The following CNTNAP5 variants were observed in gnomAD, a reference collection of about 807,000 sequenced individuals.
The protein encoded by CNTNAP5 is contactin-associated protein-like 5.
A neutral mutation model predicts 150.2 loss-of-function variants in CNTNAP5; 72 were observed. The ratio of observed to expected loss-of-function variants is 0.48; its 90% confidence interval spans 0.40 to 0.58. CNTNAP5 has a LOEUF of 0.58. Ranked by LOEUF, CNTNAP5 falls within the 20% of genes least tolerant of loss-of-function variation. CNTNAP5 has a pLI of 0.00. For synonymous variants in CNTNAP5, 672 were observed against 619.8 expected (o/e 1.08, Z -1.25); for missense variants, 1,636 against 1,626.2 (o/e 1.01, Z -0.10).
chr2:124,367,722 C>A (rs1382424334), intron 3 of CNTNAP5, among the ~76,000 whole-genome samples: 1 of 152,114 alleles, frequency 6.6e-6, no homozygotes, highest in East Asian at 1.9e-4. Flanking sequence ...TCCATCTGAA[C>A]CTTAGAAAGG....
chr2:124,800,295 G>A (rs539706918), intron 19 of CNTNAP5, among the ~76,000 whole-genome samples: 23 of 152,132 alleles, frequency 1.5e-4, no homozygotes, highest in Non-Finnish European at 2.8e-4. Flanking sequence ...TACCTGTCAG[G>A]CCATGCCTAG....
At chr2:124,146,012 A>G (rs375633784) in intron 1 of CNTNAP5, among the ~76,000 whole-genome samples, 1 of 152,060 alleles carries the variant, frequency 6.6e-6, no homozygotes, top group East Asian at 1.9e-4. Context: ...TATTTTAAAA[A>G]GCATTTTGTG....
rs376298283 is a variant in CNTNAP5 at position 124,871,990 on chromosome 2, A to G, written c.3436+2228A>G. On this transcript the variant is annotated intron_variant, in intron 21 of 23. Coordinates refer to ENST00000682447, the MANE Select transcript of CNTNAP5 (RefSeq NM_001367498.1). Reference sequence around the variant, plus strand: ...ATATGAACTTAGACTTGCTAATTCTATCATCATATTTCTTACCCTCTTTTT... The same window carrying G: ...ATATGAACTTAGACTTGCTAATTCTGTCATCATATTTCTTACCCTCTTTTT... 1.8e-4 allele frequency among the ~76,000 whole-genome samples: 27 copies of G among 152,112 alleles called. No homozygotes were observed. The East Asian group carries it at 1.9e-3, about 11-fold the overall frequency.
At chr2:124,387,972 C>T (rs1487360639) in intron 3 of CNTNAP5, among the ~76,000 whole-genome samples, 1 of 152,022 alleles carries the variant, frequency 6.6e-6, no homozygotes, top group Non-Finnish European at 1.5e-5. Flanking sequence ...GGGATGGAGA[C>T]AGGAAAACAG....
At chr2:124,790,660 G>A (rs1332821239) in intron 18 of CNTNAP5, among the ~76,000 whole-genome samples, 1 of 152,184 alleles carries the variant, frequency 6.6e-6, no homozygotes, top group African/African-American at 2.4e-5. Context: ...TAAAAGCCCT[G>A]TCTGAAAGTT....
chr2:124,824,085 T>C (rs928009779), intron 19 of CNTNAP5, among the ~76,000 whole-genome samples: 1 of 151,880 alleles, frequency 6.6e-6, no homozygotes, highest in Admixed American at 6.6e-5. Context: ...GCCAGGCTAA[T>C]TTTTGTATTT....
intron 3 of CNTNAP5, among the ~76,000 whole-genome samples, chr2:124,339,595 A>T (rs138036105): frequency 6.6e-6 from 1 of 152,300 alleles, no homozygotes; most frequent in Non-Finnish European, 1.5e-5. Context: ...CAAATTTTTA[A>T]CATACAAATA....
chr2:124,589,358 C>A (rs949086724), intron 11 of CNTNAP5, among the ~76,000 whole-genome samples: 6 of 152,144 alleles, frequency 3.9e-5, no homozygotes, highest in Admixed American at 3.9e-4. Context: ...TGTAGCATGT[C>A]TCATTCCTTT....
intron 3 of CNTNAP5, among the ~76,000 whole-genome samples, chr2:124,308,905 C>T (rs1688755006): frequency 6.6e-6 from 1 of 152,102 alleles, no homozygotes; most frequent in Non-Finnish European, 1.5e-5. Context: ...TGTTACAACT[C>T]ACCAGTCAAG....
intron 13 of CNTNAP5, among the ~76,000 whole-genome samples, chr2:124,724,646 G>C (rs1018494019): frequency 6.6e-6 from 1 of 151,936 alleles, no homozygotes; most frequent in African/African-American, 2.4e-5. Flanking sequence ...TGGATGGACA[G>C]CTGCATCCTT....
intron 1 of CNTNAP5, among the ~76,000 whole-genome samples, chr2:124,036,816 G>C (rs1681234770): frequency 1.3e-5 from 2 of 152,106 alleles, no homozygotes. Flanking sequence ...TGGCTTGGAT[G>C]GTGTGGTAAT....
intron 13 of CNTNAP5, among the ~76,000 whole-genome samples, chr2:124,658,678 C>T (rs141918535): frequency 6.6e-6 from 1 of 152,132 alleles, no homozygotes; most frequent in African/African-American, 2.4e-5. Context: ...CATAACAAGT[C>T]AAGAATAGCA....
In CNTNAP5 at chr2:124,798,239, G is replaced by A; in HGVS notation, c.3136G>A (p.Val1046Met). 6.2e-7 allele frequency: 1 copy of A among 1,613,904 alleles called. No individual in the cohort carries two copies. Among genetic ancestry groups the A allele is most frequent in the Non-Finnish European group, 8.5e-7 (1 of 1,179,826 alleles). ...CAAGGAAAACATTGCACTTAGCTTTGTGACAACCCAGGCACCCAGTCTTTT... is the reference window on the plus strand; with the variant it reads ...CAAGGAAAACATTGCACTTAGCTTTATGACAACCCAGGCACCCAGTCTTTT... ...PSKENIALSF[V>M]TTQAPSLLLF... The change falls in exon 19 of 24, where the codon GTG becomes ATG. Residue 1046 changes from valine to methionine, a missense_variant. Transcript: ENST00000682447.
chr2:124,778,607 C>G (rs914110454), intron 17 of CNTNAP5: 1 of 153,972 alleles, frequency 6.5e-6, no homozygotes, highest in African/African-American at 2.4e-5. Flanking sequence ...CTTCCACACT[C>G]AAGCCAGAAG....
chr2:124,904,192 CTT>C (rs754940066), intron 22 of CNTNAP5, among the ~76,000 whole-genome samples: 12 of 151,876 alleles, frequency 7.9e-5, no homozygotes, highest in Non-Finnish European at 1.2e-4. Context: ...ATGAGTTTGA[CTT>C]TTTTAGATTC....
At chr2:124,164,366 ACACCC>A (rs1684758462) in intron 1 of CNTNAP5, among the ~76,000 whole-genome samples, 1 of 152,178 alleles carries the variant, frequency 6.6e-6, no homozygotes, top group African/African-American at 2.4e-5. Context: ...CATTGCTTTC[ACACCC>A]AGCCTGCTCA....
intron 10 of CNTNAP5, among the ~76,000 whole-genome samples, chr2:124,531,058 C>A (rs1184411664): frequency 6.6e-6 from 1 of 151,698 alleles, no homozygotes; most frequent in East Asian, 1.9e-4. Flanking sequence ...TGTGACTCAC[C>A]ATAATGCAAA....
chr2:124,860,440 CTTCCTTCCTTCT>C (rs1677492271), intron 19 of CNTNAP5, among the ~76,000 whole-genome samples: 13 of 129,082 alleles, frequency 1.0e-4, no homozygotes, highest in South Asian at 9.6e-4. Context: ...TCCTTCCTTC[CTTCCTTCCTTCT>C]TTCCTTCCTT....
chr2:124,475,809 A>C (rs1345872125), intron 7 of CNTNAP5, among the ~76,000 whole-genome samples: 1 of 152,120 alleles, frequency 6.6e-6, no homozygotes, highest in East Asian at 1.9e-4. Context: ...GTAAACAACA[A>C]ATAGTTGGGT....
Sources: allele counts gnomAD v4.1 joint callset (sites outside exome capture counted in the v4.1 genomes callset), GRCh38; gene constraint gnomAD v4.1.1; transcripts MANE v1.5; gene names NCBI Gene and HGNC (gene_info 2026-07-23, HGNC 2026-07-21).